Variants in ZBTB25 observed in about 807,000 individuals in gnomAD.
ZBTB25 encodes zinc finger and BTB domain-containing protein 25.
ZBTB25 carries 20 observed loss-of-function variants against 34.2 expected under a neutral mutation model. That is an observed-to-expected ratio of 0.58 (90% CI 0.41 to 0.85). The LOEUF is 0.85. Ranked by LOEUF, ZBTB25 falls within the 40% of genes least tolerant of loss-of-function variation. ZBTB25 has a pLI of 0.00. For missense variants in ZBTB25, 437 were observed against 521.8 expected, an observed-to-expected ratio of 0.84 and a Z score of 1.58; for synonymous variants, 175 against 186.4, an observed-to-expected ratio of 0.94 and a Z score of 0.50.
chr14:64,491,753 A>G (rs942012410), intron 1 of ZBTB25, among the ~76,000 whole-genome samples: 1 of 152,112 alleles, frequency 6.6e-6, no homozygotes, highest in African/African-American at 2.4e-5. Flanking sequence ...AAAGGGCATC[A>G]TTGGGTGGCC....
intron 1 of ZBTB25, among the ~76,000 whole-genome samples, chr14:64,496,040 T>TC: frequency 6.6e-6 from 1 of 152,016 alleles, no homozygotes; most frequent in East Asian, 1.9e-4. Flanking sequence ...CATTACCCCC[T>TC]CCCCCAACAT....
downstream of ZBTB25, among the ~76,000 whole-genome samples, chr14:64,475,269 C>T (rs180859932): frequency 8.7e-4 from 132 of 152,166 alleles, 1 homozygote; most frequent in African/African-American, 3.1e-3. Flanking sequence ...GAAACCCCGT[C>T]TCTACTAAAA....
At chr14:64,474,986 C>G (rs1169487838), downstream of ZBTB25, among the ~76,000 whole-genome samples, 1 of 152,186 alleles carries the variant, frequency 6.6e-6, no homozygotes, top group Non-Finnish European at 1.5e-5. Flanking sequence ...TGATAACAAT[C>G]AGGCTCTAGG....
intron 1 of ZBTB25, among the ~76,000 whole-genome samples, chr14:64,500,254 C>A (rs2079439873): frequency 6.6e-6 from 1 of 151,894 alleles, no homozygotes; most frequent in Non-Finnish European, 1.5e-5. Context: ...TACAAGTAAA[C>A]CAATACTTCT....
At chr14:64,504,828 G>T, upstream of ZBTB25, 1 of 393,088 alleles carries the variant, frequency 2.5e-6, no homozygotes, top group South Asian at 1.3e-4. Flanking sequence ...CCCGAGCGCC[G>T]AGCGCCGCGC....
downstream of ZBTB25, chr14:64,474,406 A>C (rs543851251): frequency 3.1e-4 from 52 of 167,226 alleles, no homozygotes; most frequent in African/African-American, 1.2e-3. Context: ...ACTATGGATC[A>C]GATGATAATA....
At chr14:64,502,335 C>G (rs901991980) in intron 1 of ZBTB25, among the ~76,000 whole-genome samples, 2 of 152,248 alleles carry the variant, frequency 1.3e-5, no homozygotes, top group Non-Finnish European at 2.9e-5. Flanking sequence ...CAGAATTAAT[C>G]TGTTCCATGT....
In ZBTB25 at chr14:64,484,889, A is replaced by T. The variant is rs1039962533; in HGVS notation, c.*2034T>A. The T allele has an allele frequency of 2.1e-6, 1 of 486,358 alleles. No homozygotes were observed. Among genetic ancestry groups the T allele is most frequent in the African/African-American group, 2.1e-5 (1 of 47,578 alleles). 30.1% of individuals were successfully genotyped at this position (486,358 alleles called of 1,614,324 possible). On this transcript the variant is annotated 3_prime_UTR_variant, in exon 3 of 3. Coordinates refer to ENST00000608382, the MANE Select transcript of ZBTB25 (RefSeq NM_006977.5). Reference sequence around the variant, plus strand: ...TATTTTTGAGGGCAGTACAAATTTCAATAGTTGCTTAAGTGAATTGGTAGA... The same window carrying T: ...TATTTTTGAGGGCAGTACAAATTTCTATAGTTGCTTAAGTGAATTGGTAGA...
downstream of ZBTB25, chr14:64,474,044 G>A (rs2141007879): frequency 6.0e-6 from 1 of 167,164 alleles, no homozygotes; most frequent in South Asian, 2.1e-4. Flanking sequence ...TTTGATAAGG[G>A]AGACAGGCTC....
At chr14:64,499,883 T>C (rs2079426886) in intron 1 of ZBTB25, among the ~76,000 whole-genome samples, 1 of 152,318 alleles carries the variant, frequency 6.6e-6, no homozygotes, top group African/African-American at 2.4e-5. Context: ...GAAGAGTAGT[T>C]ATGCTCTAGA....
At chr14:64,472,528 A>G (rs1036659544) in intron 2 of ZBTB25, 1 of 166,902 alleles carries the variant, frequency 6.0e-6, no homozygotes, top group Admixed American at 6.5e-5. Context: ...GTTAGAATGT[A>G]CTGATTGTTT....
chr14:64,456,143 A>C (rs2078469742), intron 2 of ZBTB25, among the ~76,000 whole-genome samples: 1 of 152,226 alleles, frequency 6.6e-6, no homozygotes, highest in African/African-American at 2.4e-5. Flanking sequence ...TAGAGGTGAA[A>C]GCAAATCTGG....
intron 2 of ZBTB25, among the ~76,000 whole-genome samples, chr14:64,466,881 C>T (rs1160938865): frequency 6.6e-6 from 1 of 152,094 alleles, no homozygotes; most frequent in East Asian, 1.9e-4. Flanking sequence ...GCCATCATAC[C>T]ATTCTAAGGA....
chr14:64,449,567 C>T, exon 3 of ZBTB25: 2 of 1,614,188 alleles, frequency 1.2e-6, no homozygotes, highest in Non-Finnish European at 1.7e-6. Flanking sequence ...CTGGCTCAGG[C>T]CGTCCAGAGA....
intron 2 of ZBTB25, among the ~76,000 whole-genome samples, chr14:64,451,261 A>G (rs373390607): frequency 6.6e-6 from 1 of 152,066 alleles, no homozygotes; most frequent in Admixed American, 6.6e-5. Flanking sequence ...GGTTCAAGTG[A>G]TCCTCCTGCC....
chr14:64,464,238 C>T (rs930033731), intron 2 of ZBTB25, among the ~76,000 whole-genome samples: 2 of 142,408 alleles, frequency 1.4e-5, no homozygotes, highest in Admixed American at 1.4e-4. Flanking sequence ...CCTATGTTGC[C>T]CAGGCTGGTC....
chr14:64,465,473 AG>A (rs1422121692), intron 2 of ZBTB25: 1 of 151,062 alleles, frequency 6.6e-6, no homozygotes, highest in Non-Finnish European at 1.5e-5. Flanking sequence ...CGCGGTGGGG[AG>A]GGGGCGCACC....
intron 1 of ZBTB25, among the ~76,000 whole-genome samples, chr14:64,498,308 T>C (rs79459059): frequency 2.8e-5 from 4 of 140,368 alleles, no homozygotes; most frequent in Non-Finnish European, 4.7e-5. Context: ...GCACAGATTC[T>C]TTTTTTTTTT....
intron 1 of ZBTB25, chr14:64,502,559 G>C: frequency 2.3e-6 from 2 of 868,230 alleles, no homozygotes; most frequent in Non-Finnish European, 2.8e-6. Flanking sequence ...ATACACCATA[G>C]GCGGCCTACC....
Sources: allele counts gnomAD v4.1 joint callset (sites outside exome capture counted in the v4.1 genomes callset), GRCh38; gene constraint gnomAD v4.1.1; transcripts MANE v1.5; gene names NCBI Gene and HGNC (gene_info 2026-07-23, HGNC 2026-07-21).